Variants in IFI16 observed in about 807,000 individuals in gnomAD.
IFI16 encodes the protein gamma-interferon-inducible protein 16.
A neutral mutation model predicts 68.4 loss-of-function variants in IFI16; 49 were observed. The observed-to-expected ratio is 0.72, with a 90% confidence interval of 0.57 to 0.91. The LOEUF is 0.91. IFI16 is among the 40% of genes least tolerant of loss of function. The pLI is 0.00. For synonymous variants in IFI16, 307 were observed against 315.0 expected (o/e 0.97, Z 0.27); for missense variants, 878 against 942.9 (o/e 0.93, Z 0.90).
chr1:159,012,670 A>G (rs532870847), intron 1 of IFI16, among the ~76,000 whole-genome samples: 7 of 152,334 alleles, frequency 4.6e-5, no homozygotes, highest in African/African-American at 1.7e-4. Context: ...GTCACAATGC[A>G]CATTCTAAGC....
chr1:159,053,563 G>T lies in IFI16; in HGVS notation c.2116G>T (p.Glu706Ter), dbSNP rs769969847. Residue 706 changes from glutamate to a stop codon, truncating the protein, a stop_gained, in exon 11 of 12, where the codon GAA (glutamate) becomes TAA (stop). Coordinates refer to ENST00000295809, the MANE Select transcript of IFI16 (RefSeq NM_001376587.1). LOFTEE classifies it high-confidence loss of function. ...KNVRGEFTYY[E>*]IQDNTGKMEV... Reference sequence around the variant, plus strand: ...TGTAAGGGGTGAATTCACTTATTATGAAATACAAGATAATACAGGGAAGAT... The same window carrying T: ...TGTAAGGGGTGAATTCACTTATTATTAAATACAAGATAATACAGGGAAGAT... 1 of 1,609,888 alleles carries T rather than the reference G, an allele frequency of 6.2e-7. No individual in the cohort carries two copies. The highest frequency in any genetic ancestry group is 2.2e-5 in the East Asian group (1 of 44,802).
At chr1:159,003,903 G>A (rs550192562), upstream of IFI16, among the ~76,000 whole-genome samples, 40 of 151,660 alleles carry the variant, frequency 2.6e-4, no homozygotes, top group Middle Eastern at 3.4e-3. Flanking sequence ...CTTGTGATCC[G>A]CCCGCCTCAG....
chr1:159,007,413 A>G (rs1455156096), upstream of IFI16, among the ~76,000 whole-genome samples: 1 of 152,224 alleles, frequency 6.6e-6, no homozygotes, highest in East Asian at 1.9e-4. Context: ...AGAAAAAAAT[A>G]TGTGTAGAAA....
intron 7 of IFI16, among the ~76,000 whole-genome samples, chr1:159,033,866 C>T (rs989894424): frequency 6.6e-6 from 1 of 152,116 alleles, no homozygotes; most frequent in East Asian, 1.9e-4. Flanking sequence ...TCCTTTCATT[C>T]GCCTCTCTAA....
At chr1:159,024,263 C>G (rs538726294) in intron 6 of IFI16, among the ~76,000 whole-genome samples, 7 of 152,158 alleles carry the variant, frequency 4.6e-5, no homozygotes, top group African/African-American at 1.7e-4. Context: ...GGATCTAGAA[C>G]CGAGGCTACT....
intron 1 of IFI16, 68 bp from the exon 2 acceptor site, chr1:159,014,593 C>A: frequency 9.5e-7 from 1 of 1,049,432 alleles, no homozygotes; most frequent in Non-Finnish European, 1.4e-6. Flanking sequence ...CACTCACTCA[C>A]ATAGGCATAC....
chr1:159,001,219 T>C (rs1436083649), upstream of IFI16, among the ~76,000 whole-genome samples: 1 of 152,172 alleles, frequency 6.6e-6, no homozygotes, highest in Non-Finnish European at 1.5e-5. Context: ...TACTCAAATG[T>C]CCAACACACA....
chr1:159,047,514 C>G (rs1655068915), intron 8 of IFI16, among the ~76,000 whole-genome samples: 1 of 149,484 alleles, frequency 6.7e-6, no homozygotes, highest in African/African-American at 2.5e-5. Flanking sequence ...GGAAGTGACA[C>G]TTTCTAAGAC....
intron 6 of IFI16, among the ~76,000 whole-genome samples, chr1:159,030,580 G>A (rs1421354556): frequency 1.3e-5 from 2 of 152,144 alleles, no homozygotes; most frequent in Non-Finnish European, 2.9e-5. Context: ...CAGAGCTACT[G>A]TGCTCCAGGC....
intron 1 of IFI16, among the ~76,000 whole-genome samples, chr1:159,013,535 A>T (rs1335842738): frequency 1.3e-5 from 2 of 152,168 alleles, no homozygotes; most frequent in Admixed American, 6.5e-5. Flanking sequence ...AAATTAAAAA[A>T]TTCATTAATT....
intron 1 of IFI16, among the ~76,000 whole-genome samples, chr1:159,010,943 GAATGT>G (rs1652514903): frequency 6.6e-6 from 1 of 152,154 alleles, no homozygotes; most frequent in Non-Finnish European, 1.5e-5. Context: ...TGCTTAAATG[GAATGT>G]GAGATTCTTA....
chr1:159,049,598 C>G lies in IFI16; in HGVS notation c.1664C>G (p.Thr555Arg). 6.2e-7 allele frequency: 1 copy of G among 1,609,038 alleles called. No individual in the cohort carries two copies. Residue 555 changes from threonine to arginine, a missense_variant and splice_region_variant, in exon 9 of 12, where the codon ACG becomes AGG. Thr to Arg is a moderately conservative substitution (Grantham distance 71, BLOSUM62 -1). Coordinates refer to ENST00000295809, the MANE Select transcript of IFI16 (RefSeq NM_001376587.1). The part of the protein sequence containing the change: ...PSTPSSSFLT[T>R]LKPRLKTEPE... Reference sequence around the variant, plus strand: ...ACACCAAGCAGCAGTTTCTTAACCACGGTACAAGTTCCCTCTTCCCAATAC... The same window carrying G: ...ACACCAAGCAGCAGTTTCTTAACCAGGGTACAAGTTCCCTCTTCCCAATAC...
intron 6 of IFI16, among the ~76,000 whole-genome samples, chr1:159,025,593 T>C (rs1405098163): frequency 2.6e-5 from 4 of 152,234 alleles, no homozygotes; most frequent in Non-Finnish European, 4.4e-5. Context: ...GTCAGATGCA[T>C]AGTTTGTGAA....
In IFI16 at chr1:159,046,200, A is replaced by T. The variant is rs768669913; in HGVS notation, c.1497+736A>T. On this transcript the variant is annotated intron_variant, in intron 8 of 11. Coordinates refer to ENST00000295809, the MANE Select transcript of IFI16 (RefSeq NM_001376587.1). ...TGAATTTACAATGAACATAGTAAGAACAAATGTCTCTCAGATCTTCTTTCA... is the reference window on the plus strand; with the variant it reads ...TGAATTTACAATGAACATAGTAAGATCAAATGTCTCTCAGATCTTCTTTCA... Among the ~76,000 whole-genome samples, 48 of 151,236 alleles carry T rather than the reference A, an allele frequency of 3.2e-4. 2 individuals are homozygous for T. Among genetic ancestry groups the T allele is most frequent in the Non-Finnish European group, 6.7e-4 (45 of 67,602 alleles).
intron 11 of IFI16, 134 bp from the exon 12 acceptor site, chr1:159,054,687 C>G (rs41264451): frequency 1.8e-6 from 1 of 544,272 alleles, no homozygotes. Context: ...TAGATGAGAG[C>G]GAGAAAAGAA....
chr1:159,029,750 G>A (rs959234760), intron 6 of IFI16, among the ~76,000 whole-genome samples: 9 of 149,498 alleles, frequency 6.0e-5, no homozygotes, highest in South Asian at 2.1e-4. Context: ...GGGCGATCTC[G>A]GAACACTGCA....
chr1:159,036,862 C>T (rs1190065652), intron 7 of IFI16, among the ~76,000 whole-genome samples: 1 of 152,236 alleles, frequency 6.6e-6, no homozygotes, highest in African/African-American at 2.4e-5. Flanking sequence ...TTTCTAATCA[C>T]TCATCCATGT....
chr1:159,015,869 C>T lies in IFI16; in HGVS notation c.266-3C>T. The T allele has an allele frequency of 6.3e-7, 1 of 1,598,922 alleles. No individual in the cohort carries two copies. ...GTTGGGAATAAAATTGAATCTATTCCAGTAAAAGGACCAGCCCTATCAAGA... is the reference window on the plus strand; with the variant it reads ...GTTGGGAATAAAATTGAATCTATTCTAGTAAAAGGACCAGCCCTATCAAGA... On this transcript the variant is annotated splice_region_variant and splice_polypyrimidine_tract_variant and intron_variant, in intron 2 of 11. Coordinates refer to ENST00000295809, the MANE Select transcript of IFI16 (RefSeq NM_001376587.1).
At chr1:159,040,570 G>A (rs1557877141) in intron 7 of IFI16, among the ~76,000 whole-genome samples, 1 of 152,232 alleles carries the variant, frequency 6.6e-6, no homozygotes, top group East Asian at 1.9e-4. Flanking sequence ...ATTAATACAT[G>A]TGGCATACTT....
Sources: gnomAD v4.1 joint callset for allele counts (sites outside exome capture counted in the v4.1 genomes callset) on GRCh38, gnomAD v4.1.1 for gene constraint, MANE v1.5 for transcripts, NCBI Gene and HGNC (gene_info 2026-07-23, HGNC 2026-07-21) for gene names.